Variants in CDS1 observed in about 807,000 individuals in gnomAD.
CDS1 encodes CDP-diacylglycerol synthase 1, also known as phosphatidate cytidylyltransferase 1.
Under a neutral mutation model 62.1 loss-of-function variants are expected in CDS1, and 41 were observed. The observed-to-expected ratio is 0.66, with a 90% confidence interval of 0.51 to 0.86. The LOEUF is 0.86. Among genes scored for constraint, CDS1 ranks in the 40% least tolerant of loss-of-function variants. The pLI is 0.00. For missense variants in CDS1, 470 were observed against 550.1 expected (o/e 0.85, Z 1.46); for synonymous variants, 185 against 192.6 (o/e 0.96, Z 0.32).
chr4:84,642,071 T>TA (rs1724401253), intron 10 of CDS1, among the ~76,000 whole-genome samples: 1 of 152,232 alleles, frequency 6.6e-6, no homozygotes, highest in African/African-American at 2.4e-5. Flanking sequence ...CTTATGCCTG[T>TA]AATCCCAACA....
chr4:84,643,663 G>A (rs556661443), intron 11 of CDS1, among the ~76,000 whole-genome samples: 10 of 152,254 alleles, frequency 6.6e-5, no homozygotes, highest in South Asian at 2.1e-4. Context: ...AAAGCCCCCC[G>A]TGGACAATAT....
At chr4:84,648,178 T>C (rs1259304124) in intron 12 of CDS1, among the ~76,000 whole-genome samples, 1 of 152,220 alleles carries the variant, frequency 6.6e-6, no homozygotes, top group African/African-American at 2.4e-5. Flanking sequence ...ATGCCCTCTT[T>C]TTGGTTTGTC....
Position 84,640,888 on chromosome 4 carries a change from C to T in CDS1, c.930C>T (p.Tyr310=), listed in dbSNP as rs747685965. The change falls in exon 10 of 13, where the codon TAC becomes TAT. Residue 310 remains tyrosine, a synonymous_variant. Transcript: ENST00000295887. ...KYQYFVCPVE[Y]RSDVNSFVTE... is the part of the protein sequence containing the mutation. ...AGTACTTTGTCTGCCCAGTGGAATA[C>T]CGAAGTGATGTAAACTCCTTCGTGA... is the stretch of plus-strand genomic sequence containing the variant. 1 of 1,610,662 alleles carries T rather than the reference C, an allele frequency of 6.2e-7. No individual in the cohort carries two copies. Among genetic ancestry groups the T allele is most frequent in the Non-Finnish European group, 8.5e-7 (1 of 1,178,616 alleles).
intron 3 of CDS1, among the ~76,000 whole-genome samples, chr4:84,616,779 G>A (rs1177167609): frequency 1.3e-5 from 2 of 152,202 alleles, no homozygotes; most frequent in Non-Finnish European, 2.9e-5. Flanking sequence ...GCTACATCTT[G>A]AGAAATTACC....
chr4:84,592,276 A>G (rs1460987695), intron 1 of CDS1, among the ~76,000 whole-genome samples: 1 of 148,130 alleles, frequency 6.8e-6, no homozygotes, highest in Non-Finnish European at 1.5e-5. Flanking sequence ...GTTTCAAGCA[A>G]CTCTCCCACC....
intron 5 of CDS1, among the ~76,000 whole-genome samples, chr4:84,624,936 T>C (rs1723810657): frequency 6.6e-6 from 1 of 152,006 alleles, no homozygotes; most frequent in South Asian, 2.1e-4. Context: ...TCTCGGCTCA[T>C]GGCAACCTCT....
At chr4:84,606,036 G>T (rs1268736568) in intron 2 of CDS1, among the ~76,000 whole-genome samples, 2 of 152,006 alleles carry the variant, frequency 1.3e-5, no homozygotes, top group Non-Finnish European at 2.9e-5. Flanking sequence ...TAATATAGTG[G>T]TTTCAATCTT....
At chr4:84,589,858 T>C (rs559664326) in intron 1 of CDS1, among the ~76,000 whole-genome samples, 1 of 152,322 alleles carries the variant, frequency 6.6e-6, no homozygotes, top group South Asian at 2.1e-4. Flanking sequence ...TTGCCCAGGC[T>C]GGAGTGCAGT....
chr4:84,599,205 T>C (rs1722843954), intron 1 of CDS1, among the ~76,000 whole-genome samples: 1 of 152,008 alleles, frequency 6.6e-6, no homozygotes, highest in Non-Finnish European at 1.5e-5. Context: ...AGATTATTTC[T>C]TGTGCCTCTT....
At chr4:84,608,975 G>C (rs1228484990) in intron 2 of CDS1, among the ~76,000 whole-genome samples, 1 of 151,884 alleles carries the variant, frequency 6.6e-6, no homozygotes. Flanking sequence ...TCAGGAGATC[G>C]AGACCATCTT....
At chr4:84,635,372 G>T (rs756705270) in intron 8 of CDS1, 21 bp downstream of exon 8, 1 of 1,122,892 alleles carries the variant, frequency 8.9e-7, no homozygotes. Context: ...AATTTTATAA[G>T]CAAGCCACTA....
chr4:84,614,999 A>G (rs188386010), intron 3 of CDS1, among the ~76,000 whole-genome samples: 52 of 152,286 alleles, frequency 3.4e-4, no homozygotes, highest in African/African-American at 1.2e-3. Context: ...GTCTGACGGT[A>G]TGGCCAGCTG....
At chr4:84,618,336 T>C (rs10516725) in intron 4 of CDS1, among the ~76,000 whole-genome samples, 6,949 of 152,240 alleles carry the variant, frequency 0.046, 194 homozygotes, top group African/African-American at 0.073. Flanking sequence ...GATTTTTCCT[T>C]CTAGCAGGTT....
At chr4:84,620,221 T>G (rs1011541654) in intron 5 of CDS1, among the ~76,000 whole-genome samples, 1 of 106,754 alleles carries the variant, frequency 9.4e-6, no homozygotes, top group Non-Finnish European at 1.7e-5. Context: ...AATTAGTTGT[T>G]TTTTTTTTTT....
At chr4:84,648,524 C>T (rs192409973) in intron 12 of CDS1, 33 bp from the exon 13 acceptor site, 2 of 1,604,914 alleles carry the variant, frequency 1.2e-6, no homozygotes, top group Non-Finnish European at 1.7e-6. Flanking sequence ...ATTAAAATAA[C>T]ACGAACTTGT....
At chr4:84,634,573 T>C (rs1253571175) in intron 7 of CDS1, among the ~76,000 whole-genome samples, 1 of 152,142 alleles carries the variant, frequency 6.6e-6, no homozygotes, top group Non-Finnish European at 1.5e-5. Flanking sequence ...ATTAAAATCT[T>C]TTACAGTTGA....
intron 1 of CDS1, among the ~76,000 whole-genome samples, chr4:84,597,747 T>G (rs1445517458): frequency 6.6e-6 from 1 of 152,170 alleles, no homozygotes; most frequent in Non-Finnish European, 1.5e-5. Context: ...ATCAGTTTAG[T>G]CCTTCTCCCC....
chr4:84,589,065 T>TTCACTGTTATGATTTTC (rs1470382078), intron 1 of CDS1, among the ~76,000 whole-genome samples: 1 of 152,332 alleles, frequency 6.6e-6, no homozygotes, highest in East Asian at 1.9e-4. Flanking sequence ...CAGATTTTTT[T>TTCACTGTTATGATTTTC]TCACTGTTAT....
intron 3 of CDS1, among the ~76,000 whole-genome samples, chr4:84,611,366 C>T (rs1288613263): frequency 6.6e-6 from 1 of 152,104 alleles, no homozygotes; most frequent in South Asian, 2.1e-4. Context: ...CCAGGTTCTT[C>T]TTATGTACTC....
Sources: gnomAD v4.1 joint callset for allele counts (sites outside exome capture counted in the v4.1 genomes callset) on GRCh38, gnomAD v4.1.1 for gene constraint, MANE v1.5 for transcripts, NCBI Gene and HGNC (gene_info 2026-07-23, HGNC 2026-07-21) for gene names.